Variants in WDR45 observed in about 807,000 individuals in gnomAD.
WDR45 encodes the protein WD repeat domain phosphoinositide-interacting protein 4.
Under a neutral mutation model 27.3 loss-of-function variants are expected in WDR45, and 2 were observed. That is an observed-to-expected ratio of 0.07 (90% CI 0.03 to 0.23). The LOEUF is 0.23. Ranked by LOEUF, WDR45 falls within the 10% of genes least tolerant of loss-of-function variation. WDR45 has a pLI of 1.00. For missense variants in WDR45, 175 were observed against 311.9 expected (o/e 0.56, Z 3.31); for synonymous variants, 99 against 119.2 (o/e 0.83, Z 1.11).
chrX:49,078,583 C>T (rs984588308), intron 1 of WDR45, among the ~76,000 whole-genome samples: 26 of 111,986 alleles, frequency 2.3e-4, no homozygotes, highest in African/African-American at 7.5e-4. Context: ...TCCCAAGATC[C>T]CAAACAACAT....
At chrX:49,087,212 C>T (rs1302482817) in intron 2 of WDR45, among the ~76,000 whole-genome samples, 2 of 110,168 alleles carry the variant, frequency 1.8e-5, no homozygotes, top group African/African-American at 3.3e-5. Flanking sequence ...ACAAAATTAG[C>T]CGGGCATGGT....
Position 49,074,922 on chromosome X carries a change from G to A in WDR45, c.974-10C>T, listed in dbSNP as rs781891625. On this transcript the variant is annotated splice_polypyrimidine_tract_variant and intron_variant, in intron 10 of 10. Coordinates refer to ENST00000376372, the MANE Select transcript of WDR45 (RefSeq NM_001029896.2). ...CCATCTACGCAGATGGCTGGGGGAGGGGGGGTGGTAAAAGGTCAGAGGCTG... is the reference window on the plus strand; with the variant it reads ...CCATCTACGCAGATGGCTGGGGGAGAGGGGGTGGTAAAAGGTCAGAGGCTG... The A allele has an allele frequency of 2.5e-6, 3 of 1,187,047 alleles. No homozygotes were observed. Among genetic ancestry groups the A allele is most frequent in the East Asian group, 3.0e-5 (1 of 33,716 alleles).
At chrX:49,099,167 T>C (rs2065136280) in intron 2 of WDR45, among the ~76,000 whole-genome samples, 1 of 109,807 alleles carries the variant, frequency 9.1e-6, no homozygotes, top group Non-Finnish European at 1.9e-5. Flanking sequence ...CTACTAAAAA[T>C]ACAAAAATTA....
chrX:49,093,160 C>T (rs1271858442), intron 2 of WDR45, among the ~76,000 whole-genome samples: 7 of 111,629 alleles, frequency 6.3e-5, no homozygotes, highest in Non-Finnish European at 1.1e-4. Flanking sequence ...GATCTGACCT[C>T]GGCCTCCCAA....
chrX:49,091,368 G>C (rs1294835259), intron 2 of WDR45, among the ~76,000 whole-genome samples: 1 of 111,462 alleles, frequency 9.0e-6, no homozygotes, highest in Non-Finnish European at 1.9e-5. Flanking sequence ...TTGAAACCGG[G>C]AGGTGGAGGT....
chrX:49,079,947 G>GA (rs2065059411), upstream of WDR45: 1 of 112,991 alleles, frequency 8.9e-6, no homozygotes, highest in African/African-American at 3.2e-5. Context: ...ACCCCAGCTG[G>GA]AAAAAGGCGG....
In WDR45 at chrX:49,077,659, C is replaced by T; in HGVS notation, c.219G>A (p.Lys73=). The change falls in exon 4 of 11, where the codon AAG becomes AAA. Residue 73 remains lysine (K), a synonymous_variant. Coordinates refer to ENST00000376372, the MANE Select transcript of WDR45 (RefSeq NM_001029896.2). ...GGCACTTACCTGAGATCTCTGAGAA[C>T]TTGGGACTACTACCACCGCCCACCA... ...LALVGGGSSP[K]FSEISVLIWD... is the part of the protein sequence containing the mutation. 1.7e-6 allele frequency: 2 copies of T among 1,199,411 alleles called. No homozygotes were observed. Among genetic ancestry groups the T allele is most frequent in the East Asian group, 3.0e-5 (1 of 33,097 alleles).
Position 49,075,291 on chromosome X carries a change from G to A in WDR45, c.828-10C>T. 5 of 1,211,057 alleles carry A rather than the reference G, an allele frequency of 4.1e-6. No individual in the cohort carries two copies. Among genetic ancestry groups the A allele is most frequent in the Non-Finnish European group, 5.6e-6 (5 of 894,848 alleles). ...GCCCACGCGAGCCAGCCTGCAGGCA[G>A]CACTGGCTAAGCCCAGGTATGGTAA... On this transcript the variant is annotated splice_polypyrimidine_tract_variant and intron_variant, in intron 9 of 10. Transcript: ENST00000376372.
chrX:49,085,155 G>C, intron 2 of WDR45, among the ~76,000 whole-genome samples: 1 of 112,051 alleles, frequency 8.9e-6, no homozygotes, highest in Non-Finnish European at 1.9e-5. Context: ...CAGAATGTCA[G>C]CAGAGAGGAG....
chrX:49,092,149 A>C (rs2065109588), intron 2 of WDR45, among the ~76,000 whole-genome samples: 1 of 106,666 alleles, frequency 9.4e-6, no homozygotes. Flanking sequence ...AAAAGGCAAA[A>C]TATAACAAAG....
chrX:49,099,780 C>CA (rs55675942), intron 2 of WDR45, among the ~76,000 whole-genome samples: 16 of 87,286 alleles, frequency 1.8e-4, no homozygotes, highest in African/African-American at 9.7e-4. Flanking sequence ...GACTATGTCT[C>CA]AAAAAAAAAA....
upstream of WDR45, among the ~76,000 whole-genome samples, chrX:49,080,742 C>T (rs1236654685): frequency 9.3e-6 from 1 of 107,335 alleles, no homozygotes; most frequent in Non-Finnish European, 1.9e-5. Flanking sequence ...CACGCCCGGC[C>T]TCTGCTTTTA....
intron 2 of WDR45, among the ~76,000 whole-genome samples, chrX:49,092,119 C>CAAAAAA: frequency 1.4e-4 from 5 of 35,715 alleles, no homozygotes; most frequent in Non-Finnish European, 1.9e-4. Context: ...CACTCCATCT[C>CAAAAAA]AAAAAAAAAA....
upstream of WDR45, among the ~76,000 whole-genome samples, chrX:49,083,167 C>T (rs982129771): frequency 6.3e-5 from 7 of 110,283 alleles, no homozygotes; most frequent in Admixed American, 1.9e-4. Flanking sequence ...CGTGAGCCAC[C>T]GCGCCCAGCC....
Position 49,096,831 on chromosome X carries a change from A to G in WDR45, c.-18+3374T>C, listed in dbSNP as rs2065127108. Among the ~76,000 whole-genome samples the G allele has an allele frequency of 2.7e-5, 3 of 111,168 alleles. No homozygotes were observed. In the Admixed American group the frequency reaches 2.9e-4, roughly 11 times the overall value. On this transcript the variant is annotated intron_variant, in intron 2 of 11. Transcript: ENST00000356463. ...TGCAGTGGCACAATATCGGCTCACT[A>G]CAACCTCCGCTTCCTGGGTTCAAGC...
intron 2 of WDR45, among the ~76,000 whole-genome samples, chrX:49,086,565 C>T (rs1287521728): frequency 1.8e-5 from 2 of 111,442 alleles, no homozygotes; most frequent in East Asian, 2.8e-4. Flanking sequence ...CTTTACATAG[C>T]TCAGACTGCC....
chrX:49,097,659 ATTAT>A (rs2065130528), intron 2 of WDR45, among the ~76,000 whole-genome samples: 1 of 65,844 alleles, frequency 1.5e-5, no homozygotes, highest in Non-Finnish European at 3.4e-5. Context: ...TATTATTATT[ATTAT>A]TTTTTTTTTT....
intron 2 of WDR45, among the ~76,000 whole-genome samples, chrX:49,096,928 TG>T (rs1557087385): frequency 9.0e-6 from 1 of 111,316 alleles, no homozygotes; most frequent in East Asian, 2.8e-4. Context: ...TAATAAGAGA[TG>T]GGGTTCCACC....
At chrX:49,079,637 C>T (rs1182121686) in intron 1 of WDR45, 114 bp downstream of exon 1, 1 of 112,504 alleles carries the variant, frequency 8.9e-6, no homozygotes, top group Admixed American at 9.4e-5. Flanking sequence ...TCCGGGATGC[C>T]TCGCCCCTCT....
Sources: gnomAD v4.1 joint callset for allele counts (sites outside exome capture counted in the v4.1 genomes callset) on GRCh38, gnomAD v4.1.1 for gene constraint, MANE v1.5 for transcripts, NCBI Gene and HGNC (gene_info 2026-07-23, HGNC 2026-07-21) for gene names.